RDX: variants seen among roughly 807,000 people sequenced by gnomAD.
RDX encodes the protein radixin.
Under a neutral mutation model 83.7 loss-of-function variants are expected in RDX, and 32 were observed. The observed-to-expected ratio is 0.38, with a 90% CI of 0.29 to 0.51. RDX has a LOEUF of 0.51. RDX is among the 20% of genes least tolerant of loss of function. The pLI is 0.87. For missense variants in RDX, 600 were observed against 689.9 expected (o/e 0.87, Z 1.46); for synonymous variants, 229 against 222.7 (o/e 1.03, Z -0.25).
At chr11:110,266,269 C>A (rs1011043056) in intron 3 of RDX, among the ~76,000 whole-genome samples, 1 of 151,668 alleles carries the variant, frequency 6.6e-6, no homozygotes, top group Non-Finnish European at 1.5e-5. Flanking sequence ...GGAAGCGGAG[C>A]TTGCAGTGAG....
rs80087747 is a variant in RDX at position 110,224,372 on chromosome 11, A to G, written c.1748+7501T>C. On this transcript the variant is annotated intron_variant, in intron 14 of 15. Coordinates refer to the RDX transcript ENST00000528498. Reference sequence around the variant, plus strand: ...AGTTTTCAACTATAAACCAGTATTAATAATTCAAACATACACAGATATTAA... The same window carrying G: ...AGTTTTCAACTATAAACCAGTATTAGTAATTCAAACATACACAGATATTAA... Among the ~76,000 whole-genome samples, 875 of 152,350 alleles carry G rather than the reference A, an allele frequency of 5.7e-3. 4 individuals carry two copies. The highest frequency in any genetic ancestry group is 0.019 in the African/African-American group (780 of 41,578).
chr11:110,227,631 C>T (rs1864476201), downstream of RDX, among the ~76,000 whole-genome samples: 1 of 152,070 alleles, frequency 6.6e-6, no homozygotes, highest in South Asian at 2.1e-4. Flanking sequence ...TGATCTAAGG[C>T]TAAGATAAGT....
At chr11:110,225,095 A>C (rs756202892), downstream of RDX, among the ~76,000 whole-genome samples, 2 of 152,132 alleles carry the variant, frequency 1.3e-5, no homozygotes, top group Admixed American at 1.3e-4. Context: ...CTATCTATTT[A>C]CTTTCATTTC....
chr11:110,263,995 T>C lies in RDX; in HGVS notation c.432A>G (p.Pro144=). 6.2e-7 allele frequency: 1 copy of C among 1,613,830 alleles called. No individual in the cohort carries two copies. The highest frequency in any genetic ancestry group is 8.5e-7 in the Non-Finnish European group (1 of 1,179,754). The part of the protein sequence containing the change: ...YGDYNKEIHK[P]GYLANDRLLP... ...GGAGTCTATCATTAGCCAGGTAGCC[T>C]GGCTTATGAATCTCTTTATTGTAAT... Residue 144 remains proline (P), a synonymous_variant, in exon 5 of 14, where the codon CCA becomes CCG. Coordinates refer to ENST00000645495, the MANE Select transcript of RDX (RefSeq NM_002906.4).
At chr11:110,198,343 TA>T (rs1294982078) in intron 15 of RDX, among the ~76,000 whole-genome samples, 1 of 152,220 alleles carries the variant, frequency 6.6e-6, no homozygotes, top group Non-Finnish European at 1.5e-5. Context: ...AAATGATTTT[TA>T]AATATTACCA....
At position 110,189,702 on chromosome 11, in the gene RDX, A is replaced by T. The variant is rs796428452; in HGVS notation, c.*31+9879T>A. Among the ~76,000 whole-genome samples the T allele has an allele frequency of 9.2e-5, 14 of 152,350 alleles. 1 individual carries two copies. Among genetic ancestry groups the T allele is most frequent in the African/African-American group, 3.1e-4 (13 of 41,582 alleles). ...AAAAACAGAAATCAGTACAAAGAAGATCTCTCAAAACCACACAATTACATG... is the reference window on the plus strand; with the variant it reads ...AAAAACAGAAATCAGTACAAAGAAGTTCTCTCAAAACCACACAATTACATG... On this transcript the variant is annotated intron_variant, in intron 15 of 15. Coordinates refer to the RDX transcript ENST00000528498.
At chr11:110,201,239 G>A (rs1863390713) in intron 14 of RDX, among the ~76,000 whole-genome samples, 1 of 150,102 alleles carries the variant, frequency 6.7e-6, no homozygotes, top group South Asian at 2.1e-4. Context: ...TTTTTCCATA[G>A]TCACTAGTAA....
At chr11:110,233,155 A>G in intron 13 of RDX, 82 bp downstream of exon 13, 1 of 1,556,892 alleles carries the variant, frequency 6.4e-7, no homozygotes, top group Non-Finnish European at 8.8e-7. Flanking sequence ...AAACTTCTAT[A>G]TTCTTTTTAA....
chr11:110,277,035 A>C (rs1441513622), intron 2 of RDX, among the ~76,000 whole-genome samples: 1 of 152,172 alleles, frequency 6.6e-6, no homozygotes, highest in African/African-American at 2.4e-5. Flanking sequence ...TAAAATCCAA[A>C]AACTTCCACA....
chr11:110,221,844 T>C (rs1487580105), intron 14 of RDX, among the ~76,000 whole-genome samples: 1 of 152,132 alleles, frequency 6.6e-6, no homozygotes, highest in Non-Finnish European at 1.5e-5. Flanking sequence ...TTAACTACCA[T>C]ACTTTCTATA....
rs181653938 is a variant in RDX at position 110,240,928 on chromosome 11, C to T, written c.1091-3276G>A. ...AAAATTAGCTGGGTGTGGTGGCGGGCGCCTGTAACCTCAGCTACTCAGGAG... is the reference window on the plus strand; with the variant it reads ...AAAATTAGCTGGGTGTGGTGGCGGGTGCCTGTAACCTCAGCTACTCAGGAG... On this transcript the variant is annotated intron_variant, in intron 10 of 13. Coordinates refer to ENST00000645495, the MANE Select transcript of RDX (RefSeq NM_002906.4). Among the ~76,000 whole-genome samples the T allele has an allele frequency of 1.9e-3, 281 of 149,942 alleles. 3 individuals carry two copies. Among genetic ancestry groups the T allele is most frequent in the African/African-American group, 6.7e-3 (273 of 40,810 alleles).
intron 5 of RDX, among the ~76,000 whole-genome samples, chr11:110,262,442 A>G (rs1612353): frequency 0.78 from 117,965 of 151,788 alleles, 46,216 homozygotes; most frequent in African/African-American, 0.87. Flanking sequence ...AAAATTAGCC[A>G]GGTGTGGTTG....
chr11:110,255,875 C>A (rs1859524261), intron 7 of RDX, among the ~76,000 whole-genome samples: 1 of 152,090 alleles, frequency 6.6e-6, no homozygotes, highest in South Asian at 2.1e-4. Context: ...CACGAATATA[C>A]TAAAAATACT....
At chr11:110,215,811 CA>C (rs779621566) in intron 14 of RDX, among the ~76,000 whole-genome samples, 1 of 152,186 alleles carries the variant, frequency 6.6e-6, no homozygotes, top group Non-Finnish European at 1.5e-5. Context: ...CGGAGTTTGC[CA>C]CTGTGGTTGT....
chr11:110,233,513 C>G, intron 12 of RDX, 34 bp from the exon 13 acceptor site: 1 of 1,610,950 alleles, frequency 6.2e-7, no homozygotes, highest in Non-Finnish European at 8.5e-7. Flanking sequence ...GAGCAACTTA[C>G]TTCAAAAATT....
intron 1 of RDX, among the ~76,000 whole-genome samples, chr11:110,282,727 C>G (rs917557729): frequency 6.6e-6 from 1 of 152,168 alleles, no homozygotes; most frequent in African/African-American, 2.4e-5. Context: ...ACCTGTAATT[C>G]CAGCACTTTG....
intron 5 of RDX, among the ~76,000 whole-genome samples, chr11:110,258,495 T>TA (rs1353217001): frequency 6.6e-6 from 1 of 152,192 alleles, no homozygotes; most frequent in African/African-American, 2.4e-5. Context: ...CTCTTTTTTT[T>TA]ACAACTGCAT....
chr11:110,282,271 G>T (rs1476492116), intron 1 of RDX, among the ~76,000 whole-genome samples: 1 of 151,984 alleles, frequency 6.6e-6, no homozygotes, highest in Non-Finnish European at 1.5e-5. Flanking sequence ...GCATTTTTTT[G>T]AATCAGTAAT....
At chr11:110,243,465 C>A (rs1305603320) in intron 10 of RDX, among the ~76,000 whole-genome samples, 2 of 152,126 alleles carry the variant, frequency 1.3e-5, no homozygotes, top group Non-Finnish European at 2.9e-5. Flanking sequence ...GGCCTGTAAT[C>A]CAGCAATTTG....
Sources: gnomAD v4.1 joint callset for allele counts (sites outside exome capture counted in the v4.1 genomes callset) on GRCh38, gnomAD v4.1.1 for gene constraint, MANE v1.5 for transcripts, NCBI Gene and HGNC (gene_info 2026-07-23, HGNC 2026-07-21) for gene names.